The following ZFYVE26 variants were observed in gnomAD, a reference collection of about 807,000 sequenced individuals.
The protein encoded by ZFYVE26 is zinc finger FYVE domain-containing protein 26.
A neutral mutation model predicts 276.5 loss-of-function variants in ZFYVE26; 181 were observed. The ratio of observed to expected loss-of-function variants is 0.65; its 90% CI spans 0.58 to 0.74. The LOEUF (loss-of-function observed/expected upper bound fraction) is 0.74, where lower values mean the gene tolerates loss of function less well. ZFYVE26 is among the 30% of genes least tolerant of loss of function. The pLI is 0.00. For synonymous variants in ZFYVE26, 1,129 were observed against 1,203.1 expected, an observed-to-expected ratio of 0.94 and a Z score of 1.27; for missense variants, 2,821 against 3,097.9, an observed-to-expected ratio of 0.91 and a Z score of 2.12.
intron 13 of ZFYVE26, among the ~76,000 whole-genome samples, chr14:67,741,086 A>G (rs921538547): frequency 6.6e-5 from 10 of 152,220 alleles, no homozygotes; most frequent in African/African-American, 2.4e-4. Context: ...GAAGAATTTG[A>G]CAAGTTAATG....
At chr14:67,783,880 A>G (rs918980359) in intron 20 of ZFYVE26, among the ~76,000 whole-genome samples, 5 of 152,260 alleles carry the variant, frequency 3.3e-5, no homozygotes, top group African/African-American at 1.2e-4. Context: ...GATTTTGCAT[A>G]TAAATCATTT....
chr14:67,732,333 G>T (rs2038290108), intron 13 of ZFYVE26, among the ~76,000 whole-genome samples: 1 of 151,174 alleles, frequency 6.6e-6, no homozygotes, highest in African/African-American at 2.4e-5. Flanking sequence ...AGCTACTCGG[G>T]AGGCTAAGGT....
chr14:67,777,768 C>T (rs1252004118), intron 24 of ZFYVE26, 33 bp from the exon 25 acceptor site: 3 of 1,613,058 alleles, frequency 1.9e-6, no homozygotes, highest in Non-Finnish European at 2.5e-6. Context: ...GAAGGTGTGG[C>T]CTGCAGAAGA....
chr14:67,733,256 T>C (rs533526945), intron 13 of ZFYVE26, among the ~76,000 whole-genome samples: 1 of 152,320 alleles, frequency 6.6e-6, no homozygotes, highest in Non-Finnish European at 1.5e-5. Context: ...GTTCATGGTA[T>C]GCAAGTGCAT....
chr14:67,813,014 C>A (rs1298503272), intron 3 of ZFYVE26, among the ~76,000 whole-genome samples: 1 of 152,094 alleles, frequency 6.6e-6, no homozygotes, highest in East Asian at 1.9e-4. Context: ...CTGGCTAAAT[C>A]CTGGATAAGA....
At position 67,785,178 on chromosome 14, in the gene ZFYVE26, T is replaced by C. The variant is rs773669036; in HGVS notation, c.3404A>G (p.Gln1135Arg). 2.2e-5 allele frequency: 36 copies of C among 1,614,206 alleles called. No individual in the cohort carries two copies. The African/African-American group carries it at 3.6e-4, about 16-fold the overall frequency. ...TGGGGTCTGTTTGCCCAGGTTCTTC[T>C]GGAGGAGCTGAGTCTGGATCTGCAC... ...HPVQIQTQLL[Q>R]KNLGKQTPSG... The change falls in exon 19 of 42, where the codon CAG becomes CGG. Residue 1135 changes from glutamine to arginine, a missense_variant. By Grantham distance (43) the Gln-to-Arg change is conservative (BLOSUM62 1). Coordinates refer to ENST00000347230, the MANE Select transcript of ZFYVE26 (RefSeq NM_015346.4).
rs766957750 is a variant in ZFYVE26 at position 67,761,459 on chromosome 14, G to C, written c.6495C>G (p.Phe2165Leu). Residue 2165 changes from phenylalanine to leucine, a missense_variant, in exon 35 of 42, where the codon TTC becomes TTG. Physicochemically the swap from Phe to Leu is conservative, Grantham distance 22. Transcript: ENST00000347230. ...GGTTGGTGCTATAGTTGTGCAGGTAGAAGAGGCATTCCTGGTAGTAGGTGT... is the reference window on the plus strand; with the variant it reads ...GGTTGGTGCTATAGTTGTGCAGGTACAAGAGGCATTCCTGGTAGTAGGTGT... Reference protein sequence around the residue: ...MNNTYYQECLFYLHNYSTNLA... With the variant: ...MNNTYYQECLLYLHNYSTNLA... 2 of 1,614,208 alleles carry C rather than the reference G, an allele frequency of 1.2e-6. No individual in the cohort carries two copies. Among genetic ancestry groups the C allele is most frequent in the Non-Finnish European group, 1.7e-6 (2 of 1,180,022 alleles).
chr14:67,767,432 C>G (rs138828057), intron 31 of ZFYVE26, among the ~76,000 whole-genome samples: 1 of 151,952 alleles, frequency 6.6e-6, no homozygotes, highest in Non-Finnish European at 1.5e-5. Context: ...ACTCTCCTCA[C>G]GACCCCCAGC....
chr14:67,801,094 T>C (rs1390256472), intron 10 of ZFYVE26, among the ~76,000 whole-genome samples: 1 of 151,846 alleles, frequency 6.6e-6, no homozygotes, highest in Admixed American at 6.6e-5. Context: ...TCTACTAAAA[T>C]ACAAAAATTA....
chr14:67,771,965 G>A lies in ZFYVE26; in HGVS notation c.5484+82C>T, dbSNP rs560671092. 2.7e-3 allele frequency: 4,177 copies of A among 1,525,568 alleles called. 28 individuals carry two copies. The highest frequency in any genetic ancestry group is 9.1e-3 in the South Asian group (769 of 84,462). The allele number at this position is 1,525,568 out of a possible 1,614,324, so 94.5% of individuals were successfully genotyped here. On this transcript the variant is annotated intron_variant, in intron 28 of 41. Transcript: ENST00000347230. ...TACCGATATTCTCCTGGGGACAGGCGGTGATTGTAAACTCAGGCTCATGAA... is the reference window on the plus strand; with the variant it reads ...TACCGATATTCTCCTGGGGACAGGCAGTGATTGTAAACTCAGGCTCATGAA...
At chr14:67,769,767 G>A in intron 28 of ZFYVE26, 37 bp from the exon 29 acceptor site, 2 of 1,613,402 alleles carry the variant, frequency 1.2e-6, no homozygotes, top group South Asian at 2.2e-5. Context: ...AAAGAGGGAG[G>A]AGAGAAGGGG....
chr14:67,740,293 A>G (rs2038400792), intron 13 of ZFYVE26, among the ~76,000 whole-genome samples: 1 of 152,230 alleles, frequency 6.6e-6, no homozygotes, highest in South Asian at 2.1e-4. Flanking sequence ...GAAAGTATAC[A>G]CAATTTAATA....
chr14:67,732,536 C>CAAAA (rs11408156), intron 13 of ZFYVE26, among the ~76,000 whole-genome samples: 13,535 of 129,640 alleles, frequency 0.1, 943 homozygotes, highest in South Asian at 0.3. Context: ...CCAAACAAAG[C>CAAAA]AAAAAAAAAA....
chr14:67,729,730 T>C, exon 14 of ZFYVE26: 1 of 519,614 alleles, frequency 1.9e-6, no homozygotes, highest in Non-Finnish European at 3.8e-6. Flanking sequence ...TTCATGAATT[T>C]TTAAATACCA....
chr14:67,787,010 T>C (rs922231059), intron 16 of ZFYVE26, among the ~76,000 whole-genome samples: 2 of 151,984 alleles, frequency 1.3e-5, no homozygotes, highest in Non-Finnish European at 2.9e-5. Flanking sequence ...TTCATGGAGA[T>C]AGAGAATAGA....
At position 67,773,387 on chromosome 14, in the gene ZFYVE26, C is replaced by CA. The variant is rs202156223; in HGVS notation, c.5321-1178dup. Among the ~76,000 whole-genome samples the CA allele has an allele frequency of 6.8e-3, 1,039 of 151,956 alleles. 2 individuals are homozygous for CA. The highest frequency in any genetic ancestry group is 0.011 in the Non-Finnish European group (769 of 67,926). ...GCAACAAAGCAAGATCCTGTCTCTA[C>CA]AAAAAATAAAATAATTAACCAGGCA... On this transcript the variant is annotated intron_variant, in intron 27 of 41. Transcript: ENST00000347230.
rs908516829 is a variant in ZFYVE26 at position 67,807,417 on chromosome 14, C to A, written c.867G>T (p.Arg289Ser). 3 of 1,614,050 alleles carry A rather than the reference C, an allele frequency of 1.9e-6. No individual in the cohort carries two copies. The African/African-American group carries it at 4.0e-5, about 22-fold the overall frequency. Residue 289 changes from arginine (R) to serine (S), a missense_variant, in exon 5 of 42, where the codon AGG (arginine) becomes AGT (serine). Physicochemically the swap from Arg to Ser is moderately radical, Grantham distance 110. Transcript: ENST00000347230. ...ACACACCTTTTCCCGAGGCTGTAGCCCTCGGTGGCTTTTCTGTGACCTTCT... is the reference window on the plus strand; with the variant it reads ...ACACACCTTTTCCCGAGGCTGTAGCACTCGGTGGCTTTTCTGTGACCTTCT... The part of the protein sequence containing the change: ...YAEKVTEKPP[R>S]ATASGKVSPD...
At chr14:67,729,760 G>A (rs2038243318) in exon 14 of ZFYVE26, 1 of 505,842 alleles carries the variant, frequency 2.0e-6, no homozygotes, top group African/African-American at 1.9e-5. Flanking sequence ...AAGTGCTAGG[G>A]GAACGTCCTC....
In ZFYVE26 at chr14:67,783,086, A is replaced by G. The variant is rs149276487; in HGVS notation, c.4066T>C (p.Cys1356Arg). The G allele has an allele frequency of 1.2e-6, 2 of 1,612,940 alleles. No homozygotes were observed. The highest frequency in any genetic ancestry group is 1.7e-5 in the Admixed American group (1 of 59,926). The change falls in exon 21 of 42, where the codon TGT becomes CGT. Residue 1356 changes from cysteine to arginine, a missense_variant. By Grantham distance (180) the Cys-to-Arg change is radical. Transcript: ENST00000347230. ...GGGAATTGTTCCAGAAGGCGCTCAC[A>G]CTCCCGGGCTACCTGCTCTGCAGCC... ...PLAAEQVARE[C>R]ERLLEQFPLF...
Sources: allele counts gnomAD v4.1 joint callset (sites outside exome capture counted in the v4.1 genomes callset), GRCh38; gene constraint gnomAD v4.1.1; transcripts MANE v1.5; gene names NCBI Gene and HGNC (gene_info 2026-07-23, HGNC 2026-07-21).